CADM2: variants seen among roughly 807,000 people sequenced by gnomAD.
CADM2 encodes cell adhesion molecule 2, also known as immunoglobulin superfamily member 4D.
In CADM2, 12 loss-of-function variants were observed where a neutral mutation model predicts 49.8. The observed-to-expected ratio is 0.24, with a 90% confidence interval of 0.15 to 0.39. CADM2 has a LOEUF of 0.39. Among genes scored for constraint, CADM2 ranks in the 10% least tolerant of loss-of-function variants. CADM2 has a pLI of 1.00. For synonymous variants in CADM2, 214 were observed against 175.4 expected (o/e 1.22, Z -1.74); for missense variants, 378 against 492.3 (o/e 0.77, Z 2.20).
chr3:85,164,954 A>G (rs1484939307), intron 1 of CADM2, among the ~76,000 whole-genome samples: 1 of 151,742 alleles, frequency 6.6e-6, no homozygotes, highest in Non-Finnish European at 1.5e-5. Flanking sequence ...TAGAAAGTGT[A>G]TGTGTGTACA....
chr3:85,634,154 G>C (rs780239916), intron 1 of CADM2, among the ~76,000 whole-genome samples: 2 of 151,950 alleles, frequency 1.3e-5, no homozygotes, highest in Non-Finnish European at 2.9e-5. Context: ...GTAGAGAAGA[G>C]GAACGTAAAA....
intron 1 of CADM2, among the ~76,000 whole-genome samples, chr3:85,076,962 A>C (rs2036969784): frequency 6.6e-6 from 1 of 152,106 alleles, no homozygotes; most frequent in South Asian, 2.1e-4. Flanking sequence ...CCAGAGAGAG[A>C]CTCCGTCTCA....
intron 1 of CADM2, among the ~76,000 whole-genome samples, chr3:85,230,580 AG>A (rs2042263400): frequency 6.6e-6 from 1 of 152,332 alleles, no homozygotes; most frequent in Middle Eastern, 3.4e-3. Context: ...GTGCTTAAAA[AG>A]CTTAACTAAG....
At chr3:85,910,509 T>C (rs1181770313) in intron 5 of CADM2, among the ~76,000 whole-genome samples, 1 of 152,096 alleles carries the variant, frequency 6.6e-6, no homozygotes. Flanking sequence ...TTAAATGGAA[T>C]TGTACCTAAT....
chr3:85,615,114 C>A, intron 1 of CADM2, among the ~76,000 whole-genome samples: 1 of 151,810 alleles, frequency 6.6e-6, no homozygotes, highest in Admixed American at 6.6e-5. Flanking sequence ...TTCTCATACT[C>A]TTTATTTATT....
intron 1 of CADM2, among the ~76,000 whole-genome samples, chr3:85,133,112 G>C (rs1009874154): frequency 7.2e-5 from 11 of 152,116 alleles, no homozygotes; most frequent in Non-Finnish European, 1.6e-4. Flanking sequence ...CTGGCTTCCG[G>C]AGTGAAGCTG....
intron 1 of CADM2, among the ~76,000 whole-genome samples, chr3:85,362,918 A>G (rs1243076671): frequency 6.6e-6 from 1 of 152,210 alleles, no homozygotes; most frequent in Non-Finnish European, 1.5e-5. Flanking sequence ...TACGAATGTA[A>G]GTTTTTCACT....
At chr3:86,004,560 T>G (rs538424497) in intron 8 of CADM2, among the ~76,000 whole-genome samples, 1 of 152,320 alleles carries the variant, frequency 6.6e-6, no homozygotes, top group East Asian at 1.9e-4. Flanking sequence ...CATCAAGAAT[T>G]AAATATTTAA....
At chr3:85,381,455 T>A (rs1038099657) in intron 1 of CADM2, among the ~76,000 whole-genome samples, 2 of 147,702 alleles carry the variant, frequency 1.4e-5, no homozygotes, top group African/African-American at 4.9e-5. Context: ...AATATATATA[T>A]AAACTGTATA....
intron 1 of CADM2, among the ~76,000 whole-genome samples, chr3:85,593,735 G>A (rs1290066083): frequency 1.3e-5 from 2 of 151,952 alleles, no homozygotes; most frequent in African/African-American, 4.8e-5. Flanking sequence ...AACATGATAA[G>A]GCTTTGAATC....
intron 1 of CADM2, among the ~76,000 whole-genome samples, chr3:85,258,874 T>G (rs563065443): frequency 6.6e-6 from 1 of 152,252 alleles, no homozygotes; most frequent in African/African-American, 2.4e-5. Flanking sequence ...ATTTTTCATT[T>G]TTCTTTCATA....
intron 1 of CADM2, among the ~76,000 whole-genome samples, chr3:85,215,949 G>A (rs1355355871): frequency 1.3e-5 from 2 of 151,980 alleles, no homozygotes; most frequent in African/African-American, 4.8e-5. Context: ...TAGAGAATGA[G>A]GGAGGAGGAG....
intron 1 of CADM2, among the ~76,000 whole-genome samples, chr3:84,988,548 A>G (rs941226023): frequency 1.3e-5 from 2 of 152,218 alleles, no homozygotes; most frequent in African/African-American, 2.4e-5. Context: ...CACTTTGAGT[A>G]AATTCTTAGG....
chr3:85,167,457 A>C (rs567990297), intron 1 of CADM2, among the ~76,000 whole-genome samples: 1 of 152,248 alleles, frequency 6.6e-6, no homozygotes, highest in African/African-American at 2.4e-5. Context: ...TTATGGTAAT[A>C]ATAAAAGCAG....
intron 1 of CADM2, among the ~76,000 whole-genome samples, chr3:85,464,692 A>T (rs1313268356): frequency 1.3e-5 from 2 of 152,158 alleles, no homozygotes; most frequent in Non-Finnish European, 2.9e-5. Context: ...ATCACATAAT[A>T]CCAATTTTAA....
At chr3:85,840,683 G>C (rs1470456954) in intron 3 of CADM2, among the ~76,000 whole-genome samples, 2 of 151,738 alleles carry the variant, frequency 1.3e-5, no homozygotes, top group Non-Finnish European at 2.9e-5. Flanking sequence ...GTTACTTGCA[G>C]TATCCCTTAG....
intron 1 of CADM2, among the ~76,000 whole-genome samples, chr3:85,326,523 G>A (rs1350792890): frequency 6.6e-6 from 1 of 151,880 alleles, no homozygotes; most frequent in African/African-American, 2.4e-5. Context: ...ATAAACGTAT[G>A]TATTTTTTCA....
intron 1 of CADM2, among the ~76,000 whole-genome samples, chr3:85,093,276 T>C (rs2037669376): frequency 6.6e-6 from 1 of 152,058 alleles, no homozygotes; most frequent in South Asian, 2.1e-4. Flanking sequence ...ATCCCAGCAC[T>C]TTGGGAGGCC....
chr3:85,565,848 C>T (rs2062238406), intron 1 of CADM2, among the ~76,000 whole-genome samples: 1 of 150,876 alleles, frequency 6.6e-6, no homozygotes, highest in Non-Finnish European at 1.5e-5. Context: ...ATTTAAATAA[C>T]TCCTAAACCC....
Sources: gnomAD v4.1 joint callset for allele counts (sites outside exome capture counted in the v4.1 genomes callset) on GRCh38, gnomAD v4.1.1 for gene constraint, MANE v1.5 for transcripts, NCBI Gene and HGNC (gene_info 2026-07-23, HGNC 2026-07-21) for gene names.